Variants in ZNF37A observed in about 807,000 individuals in gnomAD.
The protein encoded by ZNF37A is zinc finger protein 37a (KOX 21).
In ZNF37A, 10 loss-of-function variants were observed where a neutral mutation model predicts 12.3. The ratio of observed to expected loss-of-function variants is 0.82; its 90% CI spans 0.50 to 1.38. ZNF37A has a LOEUF of 1.38. Ranked by LOEUF, ZNF37A falls within the 40% of genes most tolerant of loss-of-function variation. ZNF37A has a pLI of 0.00. For missense variants in ZNF37A, 580 were observed against 651.2 expected (o/e 0.89, Z 1.19); for synonymous variants, 207 against 223.0 (o/e 0.93, Z 0.64).
At position 38,119,226 on chromosome 10, in the gene ZNF37A, G is replaced by A; in HGVS notation, c.*389G>A. ...AGACACACTTGGAGAAACCTTTTGGGTGTAATGAATGTGGGAAAACCTTTC... is the reference window on the plus strand; with the variant it reads ...AGACACACTTGGAGAAACCTTTTGGATGTAATGAATGTGGGAAAACCTTTC... On this transcript the variant is annotated 3_prime_UTR_variant, in exon 8 of 8. Transcript: ENST00000685332. 136 of 1,025,592 alleles carry A rather than the reference G, an allele frequency of 1.3e-4. No homozygotes were observed. In the Admixed American group the frequency reaches 1.5e-3, roughly 11 times the overall value. The allele number at this position is 1,025,592 out of a possible 1,614,324, so 63.5% of individuals were successfully genotyped here.
At chr10:38,133,431 C>T (rs1471134866) in intron 7 of ZNF37A, among the ~76,000 whole-genome samples, 3 of 152,052 alleles carry the variant, frequency 2.0e-5, no homozygotes, top group Non-Finnish European at 4.4e-5. Context: ...TCATCATATA[C>T]ACTAGGTATA....
rs1488311566 is a variant in ZNF37A at position 38,121,932 on chromosome 10, T to A, written c.*3095T>A. The A allele has an allele frequency of 6.6e-6, 1 of 152,150 alleles. No homozygotes were observed. Among genetic ancestry groups the A allele is most frequent in the Admixed American group, 6.6e-5 (1 of 15,258 alleles). The allele number at this position is 152,150 out of a possible 1,614,324, so 9.4% of individuals were successfully genotyped here. On this transcript the variant is annotated 3_prime_UTR_variant, in exon 8 of 8. Transcript: ENST00000685332. Reference sequence around the variant, plus strand: ...CAAGATGAGCCTGAATCATCTCATGTACCTGACAGTAAGAAAATACTCTGG... The same window carrying A: ...CAAGATGAGCCTGAATCATCTCATGAACCTGACAGTAAGAAAATACTCTGG...
chr10:38,105,469 T>G (rs1590827760), intron 5 of ZNF37A, among the ~76,000 whole-genome samples: 1 of 152,244 alleles, frequency 6.6e-6, no homozygotes, highest in African/African-American at 2.4e-5. Context: ...TGACTAAGTC[T>G]TCTTATTTTT....
chr10:38,118,003 A>G lies in ZNF37A; in HGVS notation c.852A>G (p.Ser284=). The G allele has an allele frequency of 6.2e-7, 1 of 1,614,128 alleles. No individual in the cohort carries two copies. The highest frequency in any genetic ancestry group is 8.5e-7 in the Non-Finnish European group (1 of 1,180,034). The change falls in exon 8 of 8, where the codon TCA becomes TCG. Residue 284 remains serine, a synonymous_variant. Coordinates refer to ENST00000685332, the MANE Select transcript of ZNF37A (RefSeq NM_001324250.3). ...HECGKTFTQK[S]AHTRHQRTHT... ...GTGGAAAAACCTTCACCCAGAAGTC[A>G]GCCCACACAAGACATCAGAGAACAC...
intron 5 of ZNF37A, among the ~76,000 whole-genome samples, chr10:38,101,948 G>T (rs1339473759): frequency 6.6e-6 from 1 of 150,784 alleles, no homozygotes; most frequent in African/African-American, 2.4e-5. Flanking sequence ...TCAGCCTCCC[G>T]AGGAGCTGGG....
intron 7 of ZNF37A, among the ~76,000 whole-genome samples, chr10:38,132,607 T>C (rs2070043936): frequency 6.6e-6 from 1 of 152,182 alleles, no homozygotes; most frequent in African/African-American, 2.4e-5. Flanking sequence ...TATTATAAAA[T>C]AGGCTTTGTG....
chr10:38,097,581 CTCAAAAAA>C (rs2067246210), intron 5 of ZNF37A, among the ~76,000 whole-genome samples: 2 of 42,906 alleles, frequency 4.7e-5, no homozygotes, highest in Admixed American at 4.2e-4. Flanking sequence ...GAGACTCTGT[CTCAAAAAA>C]AAAAAAAAAA....
In ZNF37A at chr10:38,122,649, C is replaced by T. The variant is rs1338489575; in HGVS notation, c.*3812C>T. On this transcript the variant is annotated 3_prime_UTR_variant, in exon 8 of 8. Coordinates refer to ENST00000685332, the MANE Select transcript of ZNF37A (RefSeq NM_001324250.3). ...CATATGCAGAAGAATGAAACTAGAC[C>T]CCCATCTCTTAGCATATACAAAAAT... 4 of 152,078 alleles carry T rather than the reference C, an allele frequency of 2.6e-5. No individual in the cohort carries two copies. The East Asian group carries it at 7.7e-4, about 29-fold the overall frequency. The allele number at this position is 152,078 out of a possible 1,614,324, so 9.4% of individuals were successfully genotyped here. A position where few individuals can be genotyped will look rare whatever the true frequency, so the allele number is the denominator to read the frequency against.
In ZNF37A at chr10:38,118,226, G is replaced by C. The variant is rs370031026; in HGVS notation, c.1075G>C (p.Glu359Gln). 29 of 1,613,776 alleles carry C rather than the reference G, an allele frequency of 1.8e-5. No homozygotes were observed. In the African/African-American group the frequency reaches 3.6e-4, roughly 20 times the overall value. ...HTGEKPYECH[E>Q]CGKTFSFKSV... ...AGGGGAGAAACCATATGAATGTCAT[G>C]AATGTGGGAAAACCTTCTCATTTAA... The change falls in exon 8 of 8, where the codon GAA (glutamate) becomes CAA (glutamine). Residue 359 changes from glutamate (E) to glutamine (Q), a missense_variant. Physicochemically the swap from Glu to Gln is conservative, Grantham distance 29. Coordinates refer to ENST00000685332, the MANE Select transcript of ZNF37A (RefSeq NM_001324250.3).
chr10:38,127,244 G>A (rs1309196290), downstream of ZNF37A, among the ~76,000 whole-genome samples: 1 of 152,056 alleles, frequency 6.6e-6, no homozygotes. Flanking sequence ...GCTTTTTCTG[G>A]ACTAGTTTGA....
chr10:38,145,756 C>T (rs1030609342), intron 7 of ZNF37A, among the ~76,000 whole-genome samples: 7 of 152,166 alleles, frequency 4.6e-5, no homozygotes, highest in Non-Finnish European at 1.0e-4. Flanking sequence ...CAGAAAGGAC[C>T]AGCTGAGTGA....
At chr10:38,098,270 A>G (rs538166321) in intron 5 of ZNF37A, among the ~76,000 whole-genome samples, 23 of 152,328 alleles carry the variant, frequency 1.5e-4, no homozygotes, top group Middle Eastern at 3.4e-3. Context: ...TAGTGCTCCT[A>G]TGAGCATTCA....
chr10:38,128,064 GA>G (rs1279972991), downstream of ZNF37A, among the ~76,000 whole-genome samples: 2 of 152,050 alleles, frequency 1.3e-5, no homozygotes, highest in African/African-American at 2.4e-5. Context: ...AATGAGTGGG[GA>G]AAAAATGTAA....
chr10:38,146,932 C>T (rs564824051), exon 8 of ZNF37A: 72 of 392,632 alleles, frequency 1.8e-4, no homozygotes, highest in African/African-American at 1.4e-3. Context: ...TGTTTATTGA[C>T]AGCAAGCCAG....
chr10:38,128,985 C>G (rs1169469153), downstream of ZNF37A, among the ~76,000 whole-genome samples: 1 of 152,076 alleles, frequency 6.6e-6, no homozygotes, highest in Non-Finnish European at 1.5e-5. Context: ...AACTCCTGAC[C>G]TCGTGATCTG....
In ZNF37A at chr10:38,118,284, CAG is replaced by C. The variant is rs770430344; in HGVS notation, c.1134_1135del (p.Lys381AlafsTer3). 2.9e-5 allele frequency: 46 copies of C among 1,613,716 alleles called. No homozygotes were observed. The highest frequency in any genetic ancestry group is 3.6e-5 in the Non-Finnish European group (43 of 1,179,970). On this transcript the variant is annotated frameshift_variant, in exon 8 of 8. Transcript: ENST00000685332. LOFTEE classifies it low-confidence loss of function (END_TRUNC). ...CTTACTGTGCATCAGAAAACACACA[CAG>C]GGGAGAAGCCCTATGAATGCTATGC...
intron 5 of ZNF37A, among the ~76,000 whole-genome samples, chr10:38,102,528 A>T (rs1012973743): frequency 1.2e-4 from 18 of 152,216 alleles, no homozygotes; most frequent in African/African-American, 4.3e-4. Flanking sequence ...ACATAGATGC[A>T]TAATTATTGT....
At chr10:38,097,450 C>T (rs1294830364) in intron 5 of ZNF37A, among the ~76,000 whole-genome samples, 2 of 151,786 alleles carry the variant, frequency 1.3e-5, no homozygotes, top group East Asian at 1.9e-4. Flanking sequence ...TGTTGGCGTG[C>T]ACCTGTAATC....
In ZNF37A at chr10:38,124,591, A is replaced by C. The variant is rs1181071246; in HGVS notation, c.*5754A>C. Reference sequence around the variant, plus strand: ...TATACACCTAGTATGTACCCACAAAAATTAAAAATAAAGTAAAATTTCAAT... The same window carrying C: ...TATACACCTAGTATGTACCCACAAACATTAAAAATAAAGTAAAATTTCAAT... On this transcript the variant is annotated 3_prime_UTR_variant, in exon 8 of 8. Coordinates refer to ENST00000685332, the MANE Select transcript of ZNF37A (RefSeq NM_001324250.3). 6.6e-6 allele frequency: 1 copy of C among 152,174 alleles called. No homozygotes were observed. Among genetic ancestry groups the C allele is most frequent in the Non-Finnish European group, 1.5e-5 (1 of 68,044 alleles). The allele number at this position is 152,174 out of a possible 1,614,324, so 9.4% of individuals were successfully genotyped here. A position where few individuals can be genotyped will look rare whatever the true frequency, so the allele number is the denominator to read the frequency against.
Sources: allele counts gnomAD v4.1 joint callset (sites outside exome capture counted in the v4.1 genomes callset), GRCh38; gene constraint gnomAD v4.1.1; transcripts MANE v1.5; gene names NCBI Gene and HGNC (gene_info 2026-07-23, HGNC 2026-07-21).